TRERF1: variants seen among roughly 807,000 people sequenced by gnomAD.
TRERF1 encodes transcriptional regulating factor 1, also known as transcriptional-regulating factor 1.
A neutral mutation model predicts 122.9 loss-of-function variants in TRERF1; 27 were observed. That is an observed-to-expected ratio of 0.22 (90% CI 0.16 to 0.30). TRERF1 has a LOEUF of 0.30. TRERF1 is among the 10% of genes least tolerant of loss of function. TRERF1 has a pLI of 1.00. For synonymous variants in TRERF1, 636 were observed against 641.7 expected, an observed-to-expected ratio of 0.99 and a Z score of 0.13; for missense variants, 1,248 against 1,560.3, an observed-to-expected ratio of 0.80 and a Z score of 3.37.
chr6:42,449,872 G>C (rs141089877), intron 2 of TRERF1, among the ~76,000 whole-genome samples: 7 of 152,148 alleles, frequency 4.6e-5, no homozygotes, highest in Non-Finnish European at 8.8e-5. Context: ...CATTTTTCTC[G>C]ACCCTGCTAG....
At chr6:42,283,128 A>T (rs1052995713) in intron 4 of TRERF1, among the ~76,000 whole-genome samples, 1 of 152,174 alleles carries the variant, frequency 6.6e-6, no homozygotes, top group Non-Finnish European at 1.5e-5. Context: ...AATCAACAAC[A>T]AAAACAACAA....
intron 14 of TRERF1, among the ~76,000 whole-genome samples, chr6:42,244,964 AG>A (rs1774494512): frequency 6.6e-6 from 1 of 152,234 alleles, no homozygotes; most frequent in South Asian, 2.1e-4. Context: ...GGTGGGAACA[AG>A]GCCACCTACA....
intron 14 of TRERF1, among the ~76,000 whole-genome samples, chr6:42,245,813 G>A (rs529309935): frequency 3.3e-5 from 5 of 152,312 alleles, no homozygotes; most frequent in African/African-American, 1.2e-4. Flanking sequence ...TTAAATATAC[G>A]TAAATTATGT....
chr6:42,428,930 G>A (rs540238493), intron 2 of TRERF1, among the ~76,000 whole-genome samples: 1 of 152,232 alleles, frequency 6.6e-6, no homozygotes, highest in African/African-American at 2.4e-5. Context: ...CCAATACACT[G>A]GCTCTGAGCC....
rs1189920606 is a variant in TRERF1, at chr6:42,276,774, C to T, written c.-258-6926G>A. 6.6e-6 allele frequency among the ~76,000 whole-genome samples: 1 copy of T among 152,190 alleles called. No individual in the cohort carries two copies. Among genetic ancestry groups the T allele is most frequent in the Non-Finnish European group, 1.5e-5 (1 of 68,032 alleles). On this transcript the variant is annotated intron_variant, in intron 4 of 17. Coordinates refer to ENST00000372922, the Ensembl canonical transcript of TRERF1. This position sits in a 1 kb window ranked among gnomAD's most constrained non-coding sequence, Gnocchi z 4.3. ...TTCACAGCCCTGGCTTTCCTGCTGACTCTGGGCTGTGGGAGGATTTTCAAG... is the reference window on the plus strand; with the variant it reads ...TTCACAGCCCTGGCTTTCCTGCTGATTCTGGGCTGTGGGAGGATTTTCAAG...
chr6:42,436,816 T>A (rs370765517), intron 2 of TRERF1, among the ~76,000 whole-genome samples: 4,036 of 80,978 alleles, frequency 0.05, 185 homozygotes, highest in African/African-American at 0.16. Flanking sequence ...AAAAAAAAAA[T>A]ATATATATAT....
intron 9 of TRERF1, among the ~76,000 whole-genome samples, chr6:42,258,772 T>A (rs550728186): frequency 6.6e-6 from 1 of 152,046 alleles, no homozygotes; most frequent in Non-Finnish European, 1.5e-5. Context: ...TTCACTCTCA[T>A]CCCCCAGGCT....
At chr6:42,255,313 T>A (rs937604985) in intron 12 of TRERF1, among the ~76,000 whole-genome samples, 3 of 152,216 alleles carry the variant, frequency 2.0e-5, no homozygotes, top group Non-Finnish European at 4.4e-5. Flanking sequence ...TCGTGTTTCA[T>A]TACAGCTGAA....
exon 18 of TRERF1, chr6:42,225,676 A>G (rs995884839): frequency 6.6e-6 from 1 of 152,164 alleles, no homozygotes; most frequent in African/African-American, 2.4e-5. Context: ...AAGCCAGAAC[A>G]GGAAGCAATC....
chr6:42,252,030 C>CA (rs1322111966), intron 13 of TRERF1, among the ~76,000 whole-genome samples: 2 of 152,250 alleles, frequency 1.3e-5, no homozygotes, highest in Non-Finnish European at 2.9e-5. Context: ...AACCACTGCA[C>CA]ACAACTGCTA....
At chr6:42,270,626 T>G (rs1780043126) in intron 4 of TRERF1, among the ~76,000 whole-genome samples, 1 of 152,084 alleles carries the variant, frequency 6.6e-6, no homozygotes, top group Non-Finnish European at 1.5e-5. Flanking sequence ...GGGAAAACGA[T>G]GCATGTAATC....
At chr6:42,346,749 G>C (rs1321530838) in intron 3 of TRERF1, among the ~76,000 whole-genome samples, 1 of 152,152 alleles carries the variant, frequency 6.6e-6, no homozygotes, top group African/African-American at 2.4e-5. Flanking sequence ...AAGCAAACCA[G>C]GACGAGTTGG....
At chr6:42,273,659 T>G (rs564893783) in intron 4 of TRERF1, among the ~76,000 whole-genome samples, 6 of 152,304 alleles carry the variant, frequency 3.9e-5, no homozygotes, top group Admixed American at 3.9e-4. Context: ...TCACCAATGA[T>G]CAGGCTACAT....
At chr6:42,370,425 A>G (rs1773567373) in intron 2 of TRERF1, among the ~76,000 whole-genome samples, 1 of 152,192 alleles carries the variant, frequency 6.6e-6, no homozygotes. Flanking sequence ...AATAGTTTAA[A>G]ACCTGAACCA....
chr6:42,451,566 T>A lies in TRERF1; in HGVS notation c.-538-305A>T, dbSNP rs1474745439. The stretch of plus-strand genomic sequence containing the variant: ...CTCCCTTCAGGAAATCTACTCTCCA[T>A]ATGCATTCAGCCTCCCCGCAGGAAA... On this transcript the variant is annotated intron_variant, in intron 1 of 17. Transcript: ENST00000372922. 2.0e-5 allele frequency among the ~76,000 whole-genome samples: 3 copies of A among 151,460 alleles called. No homozygotes were observed. The East Asian group carries it at 5.9e-4, about 30-fold the overall frequency.
At chr6:42,433,238 C>T (rs929785593) in intron 2 of TRERF1, among the ~76,000 whole-genome samples, 4 of 151,470 alleles carry the variant, frequency 2.6e-5, no homozygotes, top group African/African-American at 9.7e-5. Context: ...CTCCCTGGGC[C>T]GAGAAGACAA....
intron 5 of TRERF1, among the ~76,000 whole-genome samples, chr6:42,266,037 C>A (rs573427884): frequency 6.6e-6 from 1 of 152,128 alleles, no homozygotes; most frequent in African/African-American, 2.4e-5. Context: ...CCAGCCACAA[C>A]AAGCCCACCA....
At chr6:42,305,492 A>G (rs1045837875) in intron 3 of TRERF1, among the ~76,000 whole-genome samples, 2 of 152,222 alleles carry the variant, frequency 1.3e-5, no homozygotes, top group African/African-American at 4.8e-5. Flanking sequence ...AGAAATTAAT[A>G]CACAGGAACA....
chr6:42,435,588 AAAGATTTATGTAC>A (rs1785188294), intron 2 of TRERF1, among the ~76,000 whole-genome samples: 1 of 152,136 alleles, frequency 6.6e-6, no homozygotes, highest in Admixed American at 6.5e-5. Context: ...AGATGAACTT[AAAGATTTATGTAC>A]AAGGATATTT....
Sources: allele counts gnomAD v4.1 joint callset (sites outside exome capture counted in the v4.1 genomes callset), GRCh38; gene constraint gnomAD v4.1.1; non-coding constraint Gnocchi (gnomAD v3.1); transcripts MANE v1.5; gene names NCBI Gene and HGNC (gene_info 2026-07-23, HGNC 2026-07-21).